GSK3B: variants seen among roughly 807,000 people sequenced by gnomAD.
GSK3B encodes the protein glycogen synthase kinase-3 beta.
In GSK3B, 15 loss-of-function variants were observed where a neutral mutation model predicts 56.4. The observed-to-expected ratio is 0.27, with a 90% confidence interval of 0.18 to 0.41. The LOEUF is 0.41. GSK3B is among the 10% of genes least tolerant of loss of function. The pLI is 1.00. For synonymous variants in GSK3B, 181 were observed against 188.9 expected, an observed-to-expected ratio of 0.96 and a Z score of 0.34; for missense variants, 300 against 513.4, an observed-to-expected ratio of 0.58 and a Z score of 4.02.
intron 10 of GSK3B, among the ~76,000 whole-genome samples, chr3:119,838,941 G>A (rs1178412685): frequency 6.6e-6 from 1 of 151,824 alleles, no homozygotes; most frequent in African/African-American, 2.4e-5. Context: ...TACAGTTGCA[G>A]AACACAACAA....
intron 5 of GSK3B, among the ~76,000 whole-genome samples, chr3:119,914,439 A>G (rs566422447): frequency 6.6e-6 from 1 of 152,222 alleles, no homozygotes; most frequent in African/African-American, 2.4e-5. Flanking sequence ...TTTTGACACT[A>G]TATGAGAACA....
chr3:119,982,613 C>CA (rs2057474564), intron 2 of GSK3B, among the ~76,000 whole-genome samples: 1 of 152,060 alleles, frequency 6.6e-6, no homozygotes, highest in Non-Finnish European at 1.5e-5. Context: ...GAAAGGGTAT[C>CA]AGTCACTGAA....
intron 2 of GSK3B, among the ~76,000 whole-genome samples, chr3:119,965,038 C>CTTTTTTTTTTTTTTT (rs573903125): frequency 1.6e-5 from 2 of 125,628 alleles, no homozygotes; most frequent in African/African-American, 5.8e-5. Context: ...ATTATGTTTT[C>CTTTTTTTTTTTTTTT]TTTTTTTTTT....
chr3:119,989,824 C>T lies in GSK3B; in HGVS notation c.282+12222G>A, dbSNP rs117717398. On this transcript the variant is annotated intron_variant, in intron 2 of 10. Transcript: ENST00000264235. ...ACCTTTTTCAAAGATTTTTATCTGA[C>T]AGGATCATGGCCATTTCACAGACAA... Among the ~76,000 whole-genome samples the T allele has an allele frequency of 7.3e-3, 1,106 of 152,122 alleles. 23 individuals carry two copies. Among genetic ancestry groups the T allele is most frequent in the East Asian group, 0.067 (348 of 5,164 alleles).
At chr3:119,834,716 G>C (rs778903897) in intron 10 of GSK3B, among the ~76,000 whole-genome samples, 7 of 152,254 alleles carry the variant, frequency 4.6e-5, no homozygotes, top group Non-Finnish European at 7.3e-5. Flanking sequence ...GTGACTTCAG[G>C]CAAGGAACTG....
At chr3:120,004,034 C>T (rs925270729) in intron 1 of GSK3B, among the ~76,000 whole-genome samples, 1 of 152,248 alleles carries the variant, frequency 6.6e-6, no homozygotes, top group South Asian at 2.1e-4. Flanking sequence ...GAGCGATACA[C>T]TCCTGCCCAA....
At chr3:120,052,153 T>C (rs1008512578) in intron 1 of GSK3B, among the ~76,000 whole-genome samples, 2 of 152,156 alleles carry the variant, frequency 1.3e-5, no homozygotes, top group Non-Finnish European at 2.9e-5. Flanking sequence ...TTCCATCCAT[T>C]GATGTTTTAC....
chr3:119,852,435 G>T (rs1357494034), intron 9 of GSK3B, among the ~76,000 whole-genome samples: 1 of 151,530 alleles, frequency 6.6e-6, no homozygotes, highest in African/African-American at 2.4e-5. Flanking sequence ...CGTGACCTCT[G>T]CCTCCTGGGT....
chr3:119,997,002 G>C (rs529850227), intron 2 of GSK3B, among the ~76,000 whole-genome samples: 68 of 151,812 alleles, frequency 4.5e-4, no homozygotes, highest in African/African-American at 1.5e-3. Context: ...TAGATCATAG[G>C]GAAAAAAACC....
At chr3:120,084,362 A>G (rs140236123) in intron 1 of GSK3B, among the ~76,000 whole-genome samples, 52 of 152,354 alleles carry the variant, frequency 3.4e-4, no homozygotes, top group African/African-American at 1.2e-3. Flanking sequence ...TAAAAAGCAT[A>G]TAATTAAAAA....
chr3:119,923,104 G>C (rs1196454582), intron 4 of GSK3B, among the ~76,000 whole-genome samples: 1 of 152,112 alleles, frequency 6.6e-6, no homozygotes, highest in African/African-American at 2.4e-5. Context: ...ATGTACTGTG[G>C]CTAGCAGAAA....
At chr3:119,941,943 C>T (rs1423090633) in intron 3 of GSK3B, among the ~76,000 whole-genome samples, 1 of 152,168 alleles carries the variant, frequency 6.6e-6, no homozygotes, top group Non-Finnish European at 1.5e-5. Flanking sequence ...ATATATGTCA[C>T]CCCTACCCTT....
At chr3:119,837,636 A>C (rs1339985012) in intron 10 of GSK3B, among the ~76,000 whole-genome samples, 11 of 152,036 alleles carry the variant, frequency 7.2e-5, no homozygotes, top group Admixed American at 7.2e-4. Context: ...AAGAAACTTT[A>C]TGCTGATGAC....
intron 3 of GSK3B, among the ~76,000 whole-genome samples, chr3:119,926,453 C>T (rs761614962): frequency 6.6e-6 from 1 of 152,136 alleles, no homozygotes; most frequent in African/African-American, 2.4e-5. Flanking sequence ...ATCATCTTCA[C>T]TGGTAGAACC....
intron 3 of GSK3B, among the ~76,000 whole-genome samples, chr3:119,938,243 T>C (rs558155271): frequency 1.3e-4 from 19 of 151,898 alleles, no homozygotes; most frequent in East Asian, 1.2e-3. Context: ...CTAAAAAAAA[T>C]AGAAAAGGAA....
At chr3:119,989,910 T>A (rs935184517) in intron 2 of GSK3B, among the ~76,000 whole-genome samples, 4 of 152,058 alleles carry the variant, frequency 2.6e-5, no homozygotes, top group Non-Finnish European at 4.4e-5. Context: ...CAGAAAACTC[T>A]CCATCCCCTA....
intron 1 of GSK3B, among the ~76,000 whole-genome samples, chr3:120,056,352 T>G (rs2058191004): frequency 6.6e-6 from 1 of 152,186 alleles, no homozygotes; most frequent in South Asian, 2.1e-4. Context: ...ATAGTTTTGT[T>G]TTTTGAGACA....
At chr3:119,947,439 A>C in intron 2 of GSK3B, 88 bp from the exon 3 acceptor site, 1 of 844,694 alleles carries the variant, frequency 1.2e-6, no homozygotes, top group South Asian at 1.4e-5. Context: ...AACATTAAGC[A>C]CTAAAATTAG....
At chr3:119,953,798 C>G (rs758102128) in intron 2 of GSK3B, among the ~76,000 whole-genome samples, 8 of 152,174 alleles carry the variant, frequency 5.3e-5, no homozygotes, top group Admixed American at 1.3e-4. Flanking sequence ...TACACACATT[C>G]TAAGCCCATC....
Sources: gnomAD v4.1 joint callset for allele counts (sites outside exome capture counted in the v4.1 genomes callset) on GRCh38, gnomAD v4.1.1 for gene constraint, MANE v1.5 for transcripts, NCBI Gene and HGNC (gene_info 2026-07-23, HGNC 2026-07-21) for gene names.